AKAP6: variants seen among roughly 807,000 people sequenced by gnomAD.
AKAP6 encodes A-kinase anchor protein 6.
Under a neutral mutation model 188.5 loss-of-function variants are expected in AKAP6, and 58 were observed. That is an observed-to-expected ratio of 0.31 (90% CI 0.25 to 0.38). The LOEUF is 0.38. AKAP6 is among the 10% of genes least tolerant of loss of function. The probability of loss-of-function intolerance (pLI) is 1.00; values close to 1 mark genes in which losing one functional copy is unlikely to be tolerated. For missense variants in AKAP6, 2,710 were observed against 2,740.0 expected (o/e 0.99, Z 0.24); for synonymous variants, 989 against 998.6 (o/e 0.99, Z 0.18).
chr14:32,812,470 A>G (rs912523963), intron 12 of AKAP6, among the ~76,000 whole-genome samples: 2 of 152,208 alleles, frequency 1.3e-5, no homozygotes, highest in African/African-American at 4.8e-5. Flanking sequence ...CACCAAATAT[A>G]GTGACTGAGA....
chr14:32,710,325 A>G (rs1039582478), intron 9 of AKAP6, among the ~76,000 whole-genome samples: 6 of 152,066 alleles, frequency 3.9e-5, no homozygotes, highest in African/African-American at 1.4e-4. Context: ...AGCATACACA[A>G]TATGACAGTT....
chr14:32,495,278 C>A (rs769632036), intron 2 of AKAP6: 1 of 152,214 alleles, frequency 6.6e-6, no homozygotes, highest in Non-Finnish European at 1.5e-5. Context: ...TTTCTCTGCT[C>A]TGCTTTCAAC....
At chr14:32,506,388 C>T (rs943496439) in intron 2 of AKAP6, among the ~76,000 whole-genome samples, 1 of 152,078 alleles carries the variant, frequency 6.6e-6, no homozygotes, top group Non-Finnish European at 1.5e-5. Flanking sequence ...CATACATAAT[C>T]AAGGCCAGAT....
intron 11 of AKAP6, among the ~76,000 whole-genome samples, chr14:32,757,356 A>G (rs1470498255): frequency 2.0e-5 from 3 of 152,158 alleles, no homozygotes; most frequent in African/African-American, 7.2e-5. Flanking sequence ...TAGAGATGAT[A>G]GGATTTCTGA....
intron 2 of AKAP6, among the ~76,000 whole-genome samples, chr14:32,516,013 T>C (rs547643506): frequency 1.3e-5 from 2 of 152,152 alleles, no homozygotes; most frequent in African/African-American, 4.8e-5. Flanking sequence ...GTCTGTTGCT[T>C]GAAGAGAAGA....
At position 32,503,624 on chromosome 14, in the gene AKAP6, T is replaced by C. The variant is rs147893844; in HGVS notation, c.325-31930T>C. Among the ~76,000 whole-genome samples the C allele has an allele frequency of 4.2e-3, 646 of 152,200 alleles. 1 individual carries two copies. The highest frequency in any genetic ancestry group is 6.6e-3 in the Admixed American group (101 of 15,278). On this transcript the variant is annotated intron_variant, in intron 2 of 13. Transcript: ENST00000280979. ...TGGATCCAACTTACTTTTTGTCAGATATTTATCTAGTTGTTACTCTTCACT... is the reference window on the plus strand; with the variant it reads ...TGGATCCAACTTACTTTTTGTCAGACATTTATCTAGTTGTTACTCTTCACT...
At chr14:32,343,280 G>T (rs1250627343) in intron 1 of AKAP6, among the ~76,000 whole-genome samples, 1 of 141,978 alleles carries the variant, frequency 7.0e-6, no homozygotes, top group African/African-American at 2.7e-5. Flanking sequence ...GCACCTAGCA[G>T]AGTGCCTAGG....
chr14:32,350,743 A>T (rs139234499), intron 1 of AKAP6, among the ~76,000 whole-genome samples: 1,615 of 152,144 alleles, frequency 0.011, 31 homozygotes, highest in African/African-American at 0.037. Context: ...ATAACAAAAT[A>T]AAAAATGTAT....
rs569880111 is a variant in AKAP6 at position 32,768,086 on chromosome 14, A to G, written c.3373-5592A>G. ...AAGTTTGGCACATAAATGGTGCCCAATGAATGCTTATTTGCTATGAAAATT... is the reference window on the plus strand; with the variant it reads ...AAGTTTGGCACATAAATGGTGCCCAGTGAATGCTTATTTGCTATGAAAATT... On this transcript the variant is annotated intron_variant, in intron 11 of 13. Coordinates refer to ENST00000280979, the MANE Select transcript of AKAP6 (RefSeq NM_004274.5). Among the ~76,000 whole-genome samples, 65 of 152,320 alleles carry G rather than the reference A, an allele frequency of 4.3e-4. 3 individuals carry two copies. In the South Asian group the frequency reaches 0.012, roughly 29 times the overall value.
chr14:32,836,108 T>C lies in AKAP6; in HGVS notation c.*6303T>C, dbSNP rs2034872555. 6.6e-6 allele frequency: 1 copy of C among 152,246 alleles called. No homozygotes were observed. Among genetic ancestry groups the C allele is most frequent in the African/African-American group, 2.4e-5 (1 of 41,468 alleles). The allele number at this position is 152,246 out of a possible 1,614,324, so 9.4% of individuals were successfully genotyped here. A position where few individuals can be genotyped will look rare whatever the true frequency, so the allele number is the denominator to read the frequency against. On this transcript the variant is annotated 3_prime_UTR_variant, in exon 14 of 14. Coordinates refer to ENST00000280979, the MANE Select transcript of AKAP6 (RefSeq NM_004274.5). ...TCATTGCCTGCATAAAGCAACTCTTTTGTCTCTTTTCCATTGCAACACACA... is the reference window on the plus strand; with the variant it reads ...TCATTGCCTGCATAAAGCAACTCTTCTGTCTCTTTTCCATTGCAACACACA...
intron 7 of AKAP6, among the ~76,000 whole-genome samples, chr14:32,664,929 C>T (rs577174470): frequency 6.6e-6 from 1 of 152,190 alleles, no homozygotes; most frequent in Non-Finnish European, 1.5e-5. Context: ...GATTTCCACC[C>T]ATAGCTTTTC....
intron 2 of AKAP6, among the ~76,000 whole-genome samples, chr14:32,521,072 A>G (rs1196731572): frequency 3.3e-5 from 5 of 152,128 alleles, no homozygotes; most frequent in African/African-American, 9.7e-5. Flanking sequence ...TCATATAAAC[A>G]GAACCACAGA....
At chr14:32,337,298 GGC>G (rs780270111) in intron 1 of AKAP6, among the ~76,000 whole-genome samples, 1 of 152,094 alleles carries the variant, frequency 6.6e-6, no homozygotes, top group Non-Finnish European at 1.5e-5. Flanking sequence ...TGAGAAGATG[GGC>G]AGCACAAGAA....
chr14:32,720,946 A>G (rs555719603), intron 9 of AKAP6, among the ~76,000 whole-genome samples: 2 of 152,350 alleles, frequency 1.3e-5, no homozygotes, highest in African/African-American at 4.8e-5. Flanking sequence ...GAAATGGAAA[A>G]CAAAATAAAT....
chr14:32,812,542 G>A (rs945269385), intron 12 of AKAP6, among the ~76,000 whole-genome samples: 5 of 152,162 alleles, frequency 3.3e-5, no homozygotes, highest in Admixed American at 3.3e-4. Context: ...ATTTCAGTGT[G>A]TTGACATGTA....
At chr14:32,480,944 GT>G (rs1185894264) in intron 2 of AKAP6, among the ~76,000 whole-genome samples, 1 of 152,112 alleles carries the variant, frequency 6.6e-6, no homozygotes, top group African/African-American at 2.4e-5. Context: ...GTATAAGATT[GT>G]TACAAAAAAC....
rs1377945374 is a variant in AKAP6, at chr14:32,833,790, A to G, written c.*3985A>G. On this transcript the variant is annotated 3_prime_UTR_variant, in exon 14 of 14. Coordinates refer to ENST00000280979, the MANE Select transcript of AKAP6 (RefSeq NM_004274.5). ...TTCTTATATTTTAAATATAAATCGA[A>G]CCAACTAAATTTACCGCTATATTTT... 6.6e-6 allele frequency: 1 copy of G among 152,168 alleles called. No homozygotes were observed. Among genetic ancestry groups the G allele is most frequent in the Non-Finnish European group, 1.5e-5 (1 of 68,024 alleles). The allele number at this position is 152,168 out of a possible 1,614,324, so 9.4% of individuals were successfully genotyped here.
chr14:32,378,483 T>C (rs1460866338), intron 1 of AKAP6, among the ~76,000 whole-genome samples: 1 of 152,242 alleles, frequency 6.6e-6, no homozygotes, highest in Non-Finnish European at 1.5e-5. Context: ...TTAATCCATT[T>C]TTAAAGCTTC....
chr14:32,779,654 C>T (rs1334902679), intron 12 of AKAP6, among the ~76,000 whole-genome samples: 2 of 152,012 alleles, frequency 1.3e-5, no homozygotes, highest in Admixed American at 6.6e-5. Context: ...TAAAACAGAG[C>T]TTTAAAATAC....
Sources: allele counts gnomAD v4.1 joint callset (sites outside exome capture counted in the v4.1 genomes callset), GRCh38; gene constraint gnomAD v4.1.1; transcripts MANE v1.5; gene names NCBI Gene and HGNC (gene_info 2026-07-23, HGNC 2026-07-21).